The following DISP1 variants were observed in gnomAD, a reference collection of about 807,000 sequenced individuals.
The protein encoded by DISP1 is dispatched RND transporter family member 1.
A neutral mutation model predicts 37.3 loss-of-function variants in DISP1; 30 were observed. The observed-to-expected ratio is 0.80, with a 90% confidence interval of 0.60 to 1.09. The LOEUF (loss-of-function observed/expected upper bound fraction) is 1.09, where lower values mean the gene tolerates loss of function less well. Ranked by LOEUF, DISP1 falls within the 50% of genes least tolerant of loss-of-function variation. The pLI, the probability that DISP1 is intolerant of heterozygous loss-of-function variation, is 0.00. For missense variants in DISP1, 1,598 were observed against 1,879.5 expected (o/e 0.85, Z 2.77); for synonymous variants, 634 against 690.2 (o/e 0.92, Z 1.28).
chr1:222,820,809 C>T (rs1662675060), intron 1 of DISP1, among the ~76,000 whole-genome samples: 1 of 152,156 alleles, frequency 6.6e-6, no homozygotes, highest in Non-Finnish European at 1.5e-5. Flanking sequence ...ATGCCTGCCA[C>T]ATAGTACTCA....
chr1:222,992,961 A>G (rs1406396443), intron 7 of DISP1, among the ~76,000 whole-genome samples: 1 of 148,602 alleles, frequency 6.7e-6, no homozygotes, highest in African/African-American at 2.5e-5. Flanking sequence ...TCCCAGGTTC[A>G]AGCGATTCTC....
At chr1:222,816,163 C>T (rs554474307) in intron 1 of DISP1, among the ~76,000 whole-genome samples, 1 of 151,334 alleles carries the variant, frequency 6.6e-6, no homozygotes, top group African/African-American at 2.4e-5. Context: ...TGTTGTTACA[C>T]GCACATTAGC....
chr1:222,984,952 C>T lies in DISP1; in HGVS notation c.539+1843C>T, dbSNP rs1481290985. ...ATTTCTTCCAGGTTCATTCATGTAG[C>T]ATGTATTAGAATCTCCTTTTTGTAA... is the stretch of plus-strand genomic sequence containing the variant. On this transcript the variant is annotated intron_variant, in intron 4 of 8. Transcript: ENST00000675850. 2.6e-5 allele frequency among the ~76,000 whole-genome samples: 4 copies of T among 152,060 alleles called. No homozygotes were observed. In the East Asian group the frequency reaches 7.7e-4, roughly 29 times the overall value.
rs755916120 is a variant in DISP1, at chr1:223,002,520, G to A, written c.1123G>A (p.Val375Ile). 3.7e-6 allele frequency: 6 copies of A among 1,614,020 alleles called. No homozygotes were observed. The highest frequency in any genetic ancestry group is 2.2e-5 in the South Asian group (2 of 91,086). ...SSCQKIVERDVSHTLKLLRTC... is the reference protein window; with the variant it reads ...SSCQKIVERDISHTLKLLRTC... Reference sequence around the variant, plus strand: ...CTGTCAGAAAATAGTTGAGCGAGACGTTTCTCATACCTTGAAGCTGCTTCG... The same window carrying A: ...CTGTCAGAAAATAGTTGAGCGAGACATTTCTCATACCTTGAAGCTGCTTCG... Residue 375 changes from valine (V) to isoleucine (I), a missense_variant, in exon 9 of 9, where the codon GTT becomes ATT. Val to Ile is a conservative substitution (Grantham distance 29). Coordinates refer to ENST00000675850, the MANE Select transcript of DISP1 (RefSeq NM_001377229.1).
At chr1:222,844,703 G>GA (rs1399206351) in intron 1 of DISP1, among the ~76,000 whole-genome samples, 9 of 152,112 alleles carry the variant, frequency 5.9e-5, no homozygotes, top group Non-Finnish European at 1.2e-4. Flanking sequence ...GAGACATTGA[G>GA]TTTTTCTCAA....
chr1:222,940,802 G>T (rs1052745212), intron 2 of DISP1, among the ~76,000 whole-genome samples: 3 of 152,186 alleles, frequency 2.0e-5, no homozygotes, highest in Non-Finnish European at 4.4e-5. Flanking sequence ...TACAGGTGGA[G>T]GTTGGAGAAA....
At chr1:222,820,643 G>A (rs1470509802) in intron 1 of DISP1, among the ~76,000 whole-genome samples, 1 of 152,144 alleles carries the variant, frequency 6.6e-6, no homozygotes, top group East Asian at 1.9e-4. Context: ...AATAATAATT[G>A]TCATTTGTTG....
At chr1:222,880,359 A>G (rs983558669) in intron 1 of DISP1, among the ~76,000 whole-genome samples, 56 of 152,130 alleles carry the variant, frequency 3.7e-4, no homozygotes, top group African/African-American at 1.3e-3. Context: ...GTGCTTTTCT[A>G]TGTGGTCTAA....
intron 1 of DISP1, among the ~76,000 whole-genome samples, chr1:222,828,750 C>T (rs1479750586): frequency 6.6e-6 from 1 of 152,178 alleles, no homozygotes; most frequent in East Asian, 1.9e-4. Context: ...AGCACTAACT[C>T]ACCTCTCTAG....
chr1:222,960,963 G>A (rs775342259), intron 3 of DISP1, among the ~76,000 whole-genome samples: 1 of 152,068 alleles, frequency 6.6e-6, no homozygotes, highest in Non-Finnish European at 1.5e-5. Flanking sequence ...CTGAAATTGA[G>A]GCAGTAATTA....
intron 3 of DISP1, among the ~76,000 whole-genome samples, chr1:222,958,462 T>G (rs944543782): frequency 6.6e-6 from 1 of 152,218 alleles, no homozygotes; most frequent in Non-Finnish European, 1.5e-5. Flanking sequence ...ATGTTTTCCC[T>G]TGGACTGGCA....
chr1:222,977,093 G>C (rs1436289898), intron 3 of DISP1, among the ~76,000 whole-genome samples: 1 of 152,066 alleles, frequency 6.6e-6, no homozygotes, highest in African/African-American at 2.4e-5. Context: ...ACAATGGCGC[G>C]ATCTCGGTTC....
chr1:222,870,385 A>G (rs1388406410), intron 1 of DISP1, among the ~76,000 whole-genome samples: 2 of 152,154 alleles, frequency 1.3e-5, no homozygotes, highest in East Asian at 3.9e-4. Context: ...ACAATGGTTG[A>G]ACTAGTTTAC....
At chr1:222,966,200 A>T (rs1224570965) in intron 3 of DISP1, among the ~76,000 whole-genome samples, 1 of 152,200 alleles carries the variant, frequency 6.6e-6, no homozygotes, top group Non-Finnish European at 1.5e-5. Flanking sequence ...TTGTAACTAG[A>T]TATTGTTGAT....
At position 222,913,999 on chromosome 1, in the gene DISP1, G is replaced by GTT. The variant is rs1421066146; in HGVS notation, c.-158-14430_-158-14429dup. On this transcript the variant is annotated intron_variant, in intron 1 of 8. Transcript: ENST00000675850. ...TCATACTGTTATATGTGTTTTTTTG[G>GTT]TTGTTTTTTTTTTTTTTTTAACCCA... 2.3e-5 allele frequency among the ~76,000 whole-genome samples: 3 copies of GTT among 130,908 alleles called. No individual in the cohort carries two copies. The South Asian group carries it at 7.5e-4, about 33-fold the overall frequency. 85.9% of individuals were successfully genotyped at this position (130,908 alleles called of 152,430 possible).
At chr1:222,943,777 C>A (rs562389988) in intron 3 of DISP1, among the ~76,000 whole-genome samples, 7 of 152,220 alleles carry the variant, frequency 4.6e-5, no homozygotes, top group African/African-American at 1.4e-4. Flanking sequence ...GCCTGTAATC[C>A]CAGCACTTTG....
In DISP1 at chr1:222,995,245, T is replaced by C. The variant is rs1396994908; in HGVS notation, c.987+263T>C. On this transcript the variant is annotated intron_variant, in intron 8 of 8. Coordinates refer to ENST00000675850, the MANE Select transcript of DISP1 (RefSeq NM_001377229.1). ...GCTGTTGATGGTGTTTTCTGTTATTTCACATAGTATTTCTTTTCAGTATAA... is the reference window on the plus strand; with the variant it reads ...GCTGTTGATGGTGTTTTCTGTTATTCCACATAGTATTTCTTTTCAGTATAA... Among the ~76,000 whole-genome samples, 4 of 152,244 alleles carry C rather than the reference T, an allele frequency of 2.6e-5. No homozygotes were observed. The East Asian group carries it at 7.7e-4, about 29-fold the overall frequency.
intron 1 of DISP1, among the ~76,000 whole-genome samples, chr1:222,841,116 T>C (rs187349950): frequency 3.9e-5 from 6 of 152,330 alleles, no homozygotes; most frequent in African/African-American, 1.4e-4. Flanking sequence ...AATTAATGAC[T>C]AAATCAGTGT....
chr1:222,918,488 A>T (rs972146443), intron 1 of DISP1, among the ~76,000 whole-genome samples: 3 of 152,222 alleles, frequency 2.0e-5, no homozygotes, highest in African/African-American at 7.2e-5. Flanking sequence ...TATATTGCTC[A>T]ACTGTTGCTT....
Sources: allele counts gnomAD v4.1 joint callset (sites outside exome capture counted in the v4.1 genomes callset), GRCh38; gene constraint gnomAD v4.1.1; transcripts MANE v1.5; gene names NCBI Gene and HGNC (gene_info 2026-07-23, HGNC 2026-07-21).